The following VASP variants were observed in gnomAD, a reference collection of about 807,000 sequenced individuals.
VASP encodes vasodilator-stimulated phosphoprotein.
VASP carries 27 observed loss-of-function variants against 54.4 expected under a neutral mutation model. The ratio of observed to expected loss-of-function variants is 0.50; its 90% CI spans 0.37 to 0.68. The LOEUF (loss-of-function observed/expected upper bound fraction) is 0.68. VASP is among the 30% of genes least tolerant of loss of function. The probability of loss-of-function intolerance (pLI) is 0.00; values close to 1 mark genes in which losing one functional copy is unlikely to be tolerated. For missense variants in VASP, 488 were observed against 528.3 expected (o/e 0.92, Z 0.75); for synonymous variants, 233 against 209.8 (o/e 1.11, Z -0.96).
At chr19:45,510,481 C>T (rs1221962760) in intron 1 of VASP, among the ~76,000 whole-genome samples, 1 of 152,148 alleles carries the variant, frequency 6.6e-6, no homozygotes, top group Non-Finnish European at 1.5e-5. Flanking sequence ...CCGCCTCGAC[C>T]TCCTAAAGTG....
intron 1 of VASP, among the ~76,000 whole-genome samples, chr19:45,508,347 G>A (rs1968530109): frequency 6.6e-6 from 1 of 152,204 alleles, no homozygotes; most frequent in South Asian, 2.1e-4. Flanking sequence ...TTCCTGTGGA[G>A]GAGGCTGGTG....
chr19:45,524,876 A>G (rs1439357847), intron 11 of VASP: 2 of 474,150 alleles, frequency 4.2e-6, no homozygotes, highest in Non-Finnish European at 3.9e-6. Context: ...CGCTCATTCC[A>G]GATGAGTGCC....
chr19:45,526,460 C>T lies in VASP; in HGVS notation c.*283C>T, dbSNP rs1318209876. ...TCTGCTGGGGATGCACCAATGAACC[C>T]CACAGGAAGGGGGAAGGAAGGAGGG... is the stretch of plus-strand genomic sequence containing the variant. On this transcript the variant is annotated 3_prime_UTR_variant, in exon 13 of 13. Coordinates refer to ENST00000245932, the MANE Select transcript of VASP (RefSeq NM_003370.4). The T allele has an allele frequency of 2.8e-6, 1 of 358,338 alleles. No homozygotes were observed. Among genetic ancestry groups the T allele is most frequent in the Non-Finnish European group, 5.0e-6 (1 of 199,582 alleles). The allele number at this position is 358,338 out of a possible 1,614,324, so 22.2% of individuals were successfully genotyped here.
intron 3 of VASP, among the ~76,000 whole-genome samples, chr19:45,518,927 G>T (rs1004569272): frequency 1.3e-5 from 2 of 152,226 alleles, no homozygotes; most frequent in African/African-American, 4.8e-5. Context: ...CACCTCCCGG[G>T]TTCGCGTGAT....
intron 1 of VASP, among the ~76,000 whole-genome samples, chr19:45,516,467 A>AG (rs1049235750): frequency 3.0e-4 from 45 of 152,226 alleles, no homozygotes; most frequent in African/African-American, 1.1e-3. Flanking sequence ...GCAGTGGTGG[A>AG]GGGGGGTGCG....
chr19:45,523,560 C>T (rs547295686), intron 7 of VASP, 84 bp from the exon 8 acceptor site: 1 of 1,499,804 alleles, frequency 6.7e-7, no homozygotes, highest in East Asian at 2.3e-5. Context: ...ATTCTATGCG[C>T]TAGGATCTAC....
At chr19:45,511,592 G>A (rs1003705006) in intron 1 of VASP, among the ~76,000 whole-genome samples, 7 of 152,126 alleles carry the variant, frequency 4.6e-5, no homozygotes, top group Non-Finnish European at 1.0e-4. Flanking sequence ...GAGGGTTCTA[G>A]ACTTCGGGAA....
At chr19:45,524,934 T>C (rs1205935768) in intron 11 of VASP, 11 of 353,272 alleles carry the variant, frequency 3.1e-5, no homozygotes, top group South Asian at 2.5e-4. Context: ...CCAATTGGAG[T>C]TGGCAGGAGG....
rs774855528 is a variant in VASP at position 45,524,552 on chromosome 19, C to T, written c.957-18C>T. ...TCTCTAATCTCATTGCTGTCCCAAA[C>T]CACACCAACTCCCCCAGGATGAAGT... is the stretch of plus-strand genomic sequence containing the variant. On this transcript the variant is annotated intron_variant, in intron 10 of 12. Transcript: ENST00000245932. 24 of 1,612,906 alleles carry T rather than the reference C, an allele frequency of 1.5e-5. No individual in the cohort carries two copies. Among genetic ancestry groups the T allele is most frequent in the Non-Finnish European group, 2.0e-5 (23 of 1,179,156 alleles).
chr19:45,521,069 C>T (rs762791796), intron 3 of VASP, among the ~76,000 whole-genome samples: 19 of 152,238 alleles, frequency 1.2e-4, no homozygotes, highest in Non-Finnish European at 2.5e-4. Context: ...AGTGACTGTT[C>T]CCCGGGCCTT....
intron 1 of VASP, among the ~76,000 whole-genome samples, chr19:45,510,609 G>C (rs1175803279): frequency 6.6e-6 from 1 of 152,144 alleles, no homozygotes; most frequent in Non-Finnish European, 1.5e-5. Context: ...GGGAAACTGA[G>C]GCACAGGAAA....
intron 3 of VASP, among the ~76,000 whole-genome samples, chr19:45,519,888 C>T (rs1439492634): frequency 7.6e-6 from 1 of 131,282 alleles, no homozygotes; most frequent in Non-Finnish European, 1.6e-5. Context: ...AGCCACTGCG[C>T]CCGGCCTTTT....
At chr19:45,509,395 C>T (rs1204617966) in intron 1 of VASP, among the ~76,000 whole-genome samples, 1 of 152,174 alleles carries the variant, frequency 6.6e-6, no homozygotes, top group Non-Finnish European at 1.5e-5. Flanking sequence ...CCCTCCACCC[C>T]CCCTCGCGTT....
chr19:45,521,030 C>T (rs1050701596), intron 3 of VASP, among the ~76,000 whole-genome samples: 1 of 152,236 alleles, frequency 6.6e-6, no homozygotes, highest in Admixed American at 6.5e-5. Flanking sequence ...CTTGTTCCTG[C>T]ACATTCCACC....
At chr19:45,511,494 T>C (rs1434485115) in intron 1 of VASP, among the ~76,000 whole-genome samples, 3 of 152,118 alleles carry the variant, frequency 2.0e-5, no homozygotes, top group Non-Finnish European at 4.4e-5. Context: ...TCATCCGCCA[T>C]GTGCTAGAGT....
At chr19:45,524,457 T>G (rs964777470) in intron 10 of VASP, 113 bp from the exon 11 acceptor site, 1 of 1,121,306 alleles carries the variant, frequency 8.9e-7, no homozygotes, top group Admixed American at 2.1e-5. Flanking sequence ...CAAAAATACT[T>G]GGACTTGCCC....
intron 11 of VASP, chr19:45,525,683 G>A (rs1968945388): frequency 2.9e-6 from 1 of 342,460 alleles, no homozygotes; most frequent in East Asian, 6.3e-5. Flanking sequence ...GGGTGACAGG[G>A]AGACTCTGTT....
At chr19:45,524,284 C>T in intron 10 of VASP, 142 bp downstream of exon 10, 1 of 964,942 alleles carries the variant, frequency 1.0e-6, no homozygotes, top group South Asian at 1.4e-5. Context: ...TACCTGTGGT[C>T]CCAGCTACTC....
chr19:45,511,664 G>C (rs966111979), intron 1 of VASP, among the ~76,000 whole-genome samples: 11 of 152,184 alleles, frequency 7.2e-5, no homozygotes, highest in African/African-American at 2.7e-4. Flanking sequence ...CCGTTTTATG[G>C]CTATGGGATT....
Sources: allele counts gnomAD v4.1 joint callset (sites outside exome capture counted in the v4.1 genomes callset), GRCh38; gene constraint gnomAD v4.1.1; transcripts MANE v1.5; gene names NCBI Gene and HGNC (gene_info 2026-07-23, HGNC 2026-07-21).